Variants in PCNX2 observed in about 807,000 individuals in gnomAD.
The protein encoded by PCNX2 is pecanex-like protein 2.
In PCNX2, 168 loss-of-function variants were observed where a neutral mutation model predicts 223.8. That is an observed-to-expected ratio of 0.75 (90% CI 0.66 to 0.85). PCNX2 has a LOEUF of 0.85. Among genes scored for constraint, PCNX2 ranks in the 40% least tolerant of loss-of-function variants. PCNX2 has a pLI of 0.00. For missense variants in PCNX2, 2,507 were observed against 2,675.5 expected (o/e 0.94, Z 1.39); for synonymous variants, 1,006 against 1,052.6 (o/e 0.96, Z 0.86).
chr1:233,148,404 G>C (rs187417626), intron 19 of PCNX2, among the ~76,000 whole-genome samples: 2 of 151,632 alleles, frequency 1.3e-5, no homozygotes, highest in Non-Finnish European at 2.9e-5. Flanking sequence ...ATATTGACAG[G>C]ATATTAATTT....
chr1:233,073,905 C>A (rs1672970108), intron 23 of PCNX2, among the ~76,000 whole-genome samples: 1 of 152,202 alleles, frequency 6.6e-6, no homozygotes, highest in South Asian at 2.1e-4. Context: ...TAGGCATGAA[C>A]ACCACCATGT....
chr1:232,990,741 C>T lies in PCNX2; in HGVS notation c.5792-4201G>A, dbSNP rs77832230. 0.027 allele frequency among the ~76,000 whole-genome samples: 4,133 copies of T among 152,248 alleles called. 96 individuals are homozygous for T. Among genetic ancestry groups the T allele is most frequent in the African/African-American group, 0.064 (2,656 of 41,536 alleles). On this transcript the variant is annotated intron_variant, in intron 32 of 33. Coordinates refer to ENST00000258229, the MANE Select transcript of PCNX2 (RefSeq NM_014801.4). The surrounding 1 kb of genome is among the most constrained non-coding windows in gnomAD (Gnocchi z 4.3). ...CCAGGAAGCTGTGGAGACAGGAGCA[C>T]GTCAACCAGCTCCCACCCACTCCTG...
chr1:233,264,427 G>T (rs1344560611), intron 1 of PCNX2, among the ~76,000 whole-genome samples: 1 of 152,168 alleles, frequency 6.6e-6, no homozygotes, highest in Non-Finnish European at 1.5e-5. Flanking sequence ...CCATATCCAT[G>T]CCTAAGCAGA....
chr1:233,200,383 CTTTTTTTTTTTT>C (rs1011802481), intron 13 of PCNX2, 119 bp from the exon 14 acceptor site: 4 of 210,450 alleles, frequency 1.9e-5, no homozygotes, highest in South Asian at 7.7e-5. Context: ...TGGAGGCAAT[CTTTTTTTTTTTT>C]TTTTTTTTTT....
intron 19 of PCNX2, among the ~76,000 whole-genome samples, chr1:233,146,618 T>G (rs1334786235): frequency 6.6e-6 from 1 of 152,230 alleles, no homozygotes; most frequent in South Asian, 2.1e-4. Flanking sequence ...TATCAACATT[T>G]GTCACCAATT....
chr1:233,136,385 C>A (rs767901558), intron 20 of PCNX2, among the ~76,000 whole-genome samples: 5 of 152,134 alleles, frequency 3.3e-5, no homozygotes, highest in Non-Finnish European at 5.9e-5. Flanking sequence ...TTAAGAAGTA[C>A]AAAATTGTCA....
At chr1:233,087,975 G>A (rs189958665) in intron 23 of PCNX2, among the ~76,000 whole-genome samples, 2 of 152,212 alleles carry the variant, frequency 1.3e-5, no homozygotes. Context: ...GAATAAATGC[G>A]GCAGAATCAC....
At chr1:233,027,959 G>T (rs564579789) in intron 25 of PCNX2, among the ~76,000 whole-genome samples, 2 of 152,174 alleles carry the variant, frequency 1.3e-5, no homozygotes, top group Non-Finnish European at 2.9e-5. Context: ...ATTCAGTTCA[G>T]TTATTTTGTG....
At chr1:233,308,208 G>A in the PCNX2 span, among the ~76,000 whole-genome samples, 1 of 152,214 alleles carries the variant, frequency 6.6e-6, no homozygotes. Context: ...TGTAATCCCA[G>A]CACTTTGGGA....
chr1:233,124,383 C>G (rs1675982986), intron 21 of PCNX2, among the ~76,000 whole-genome samples: 1 of 152,160 alleles, frequency 6.6e-6, no homozygotes, highest in South Asian at 2.1e-4. Context: ...ATAAATCTGA[C>G]AAGTCCATTC....
intron 19 of PCNX2, among the ~76,000 whole-genome samples, chr1:233,151,984 T>C (rs1349965903): frequency 1.3e-5 from 2 of 152,230 alleles, no homozygotes; most frequent in African/African-American, 2.4e-5. Flanking sequence ...TTTCCACTTT[T>C]CTTTTTCCTC....
At chr1:233,155,377 T>G (rs1350010281) in intron 19 of PCNX2, among the ~76,000 whole-genome samples, 1 of 152,184 alleles carries the variant, frequency 6.6e-6, no homozygotes, top group Non-Finnish European at 1.5e-5. Context: ...ATTATAAGCT[T>G]TTGGATGACA....
chr1:233,087,257 G>T, intron 23 of PCNX2: 1 of 968,440 alleles, frequency 1.0e-6, no homozygotes, highest in Non-Finnish European at 1.2e-6. Flanking sequence ...AAGTGAGGGA[G>T]CAGAGGTGAA....
At chr1:233,082,742 T>C (rs1673418481) in intron 23 of PCNX2, among the ~76,000 whole-genome samples, 1 of 152,226 alleles carries the variant, frequency 6.6e-6, no homozygotes, top group African/African-American at 2.4e-5. Flanking sequence ...GTAGGAAGCA[T>C]TCAGCAATAT....
intron 24 of PCNX2, among the ~76,000 whole-genome samples, chr1:233,055,818 C>T (rs983200137): frequency 1.4e-4 from 21 of 152,078 alleles, no homozygotes; most frequent in African/African-American, 4.6e-4. Context: ...GCAGATCTGA[C>T]CGAAGCATCC....
At chr1:233,261,134 A>C in intron 4 of PCNX2, 151 bp downstream of exon 4, 1 of 681,712 alleles carries the variant, frequency 1.5e-6, no homozygotes. Flanking sequence ...AATTAAAATT[A>C]AGAGTTAAAG....
chr1:233,301,542 C>T, the PCNX2 span, among the ~76,000 whole-genome samples: 1 of 152,142 alleles, frequency 6.6e-6, no homozygotes, highest in African/African-American at 2.4e-5. Flanking sequence ...AACATATTAG[C>T]AATCTGAGTC....
At chr1:233,111,566 G>T (rs958071724) in intron 21 of PCNX2, among the ~76,000 whole-genome samples, 2 of 151,900 alleles carry the variant, frequency 1.3e-5, no homozygotes, top group African/African-American at 4.8e-5. Flanking sequence ...ACCACACTTA[G>T]CTAATGTTTG....
chr1:233,268,712 A>T (rs1660477355), intron 1 of PCNX2, among the ~76,000 whole-genome samples: 1 of 152,162 alleles, frequency 6.6e-6, no homozygotes, highest in Non-Finnish European at 1.5e-5. Flanking sequence ...CAGTCAGAAC[A>T]CATCACTGTT....
Sources: allele counts gnomAD v4.1 joint callset (sites outside exome capture counted in the v4.1 genomes callset), GRCh38; gene constraint gnomAD v4.1.1; non-coding constraint Gnocchi (gnomAD v3.1); transcripts MANE v1.5; gene names NCBI Gene and HGNC (gene_info 2026-07-23, HGNC 2026-07-21).